Variants in SYNDIG1 observed in about 807,000 individuals in gnomAD.
SYNDIG1 encodes the protein synapse differentiation inducing 1, also known as synapse differentiation-inducing gene protein 1.
Under a neutral mutation model 19.4 loss-of-function variants are expected in SYNDIG1, and 9 were observed. That is an observed-to-expected ratio of 0.46 (90% CI 0.28 to 0.81). The LOEUF (loss-of-function observed/expected upper bound fraction) is 0.81, where lower values mean the gene tolerates loss of function less well. SYNDIG1 is among the 30% of genes least tolerant of loss of function. The pLI is 0.12. For missense variants in SYNDIG1, 311 were observed against 343.3 expected (o/e 0.91, Z 0.74); for synonymous variants, 141 against 145.9 (o/e 0.97, Z 0.24).
At chr20:24,599,596 T>C (rs1220350794) in intron 3 of SYNDIG1, among the ~76,000 whole-genome samples, 1 of 152,172 alleles carries the variant, frequency 6.6e-6, no homozygotes, top group Non-Finnish European at 1.5e-5. Flanking sequence ...TGCCAATCAG[T>C]GGACAAATGG....
At chr20:24,661,125 T>C (rs1449727548) in intron 3 of SYNDIG1, among the ~76,000 whole-genome samples, 3 of 152,182 alleles carry the variant, frequency 2.0e-5, no homozygotes, top group Non-Finnish European at 2.9e-5. Context: ...GCACAGGCCT[T>C]GAGGCATCTA....
rs2058514807 is a variant in SYNDIG1 at position 24,591,731 on chromosome 20, G to T, written c.618+6738G>T. ...CACTTCTTGGGGCAGATGCAGATGA[G>T]GTATTAGGCTGCGAGAGTCATGTAG... On this transcript the variant is annotated intron_variant, in intron 3 of 3. Coordinates refer to ENST00000376862, the MANE Select transcript of SYNDIG1 (RefSeq NM_024893.3). Among the ~76,000 whole-genome samples the T allele has an allele frequency of 2.0e-5, 3 of 152,180 alleles. No individual in the cohort carries two copies. In the South Asian group the frequency reaches 6.2e-4, roughly 31 times the overall value.
chr20:24,639,707 G>GA (rs1279659761), intron 3 of SYNDIG1, among the ~76,000 whole-genome samples: 1 of 152,190 alleles, frequency 6.6e-6, no homozygotes, highest in Non-Finnish European at 1.5e-5. Context: ...AAAACAGGGT[G>GA]AAAACATCAG....
intron 3 of SYNDIG1, among the ~76,000 whole-genome samples, chr20:24,600,916 A>T (rs1018368231): frequency 2.0e-5 from 3 of 152,092 alleles, no homozygotes; most frequent in African/African-American, 7.2e-5. Context: ...TGCCCAGCCC[A>T]TGTCTTCATC....
At position 24,487,054 on chromosome 20, in the gene SYNDIG1, G is replaced by T. The variant is rs181614234; in HGVS notation, c.-79+17301G>T. ...GGGAATCACGGGCCAAGGTTGGGGG[G>T]AGAGGGTCGGTGGATGTGGGGTGGG... On this transcript the variant is annotated intron_variant, in intron 1 of 3. Transcript: ENST00000376862. Among the ~76,000 whole-genome samples the T allele has an allele frequency of 3.1e-4, 47 of 152,114 alleles. No individual in the cohort carries two copies. In the South Asian group the frequency reaches 8.3e-3, roughly 27 times the overall value.
At chr20:24,630,596 G>A (rs1179308655) in intron 3 of SYNDIG1, among the ~76,000 whole-genome samples, 1 of 152,212 alleles carries the variant, frequency 6.6e-6, no homozygotes, top group East Asian at 1.9e-4. Context: ...AGGTCCATGT[G>A]GTGGGGTGGG....
chr20:24,536,722 C>CA (rs1466108541), intron 1 of SYNDIG1, among the ~76,000 whole-genome samples: 2 of 152,264 alleles, frequency 1.3e-5, no homozygotes, highest in Middle Eastern at 3.4e-3. Flanking sequence ...AGCATGGTCT[C>CA]AGGCCCCCCA....
chr20:24,562,439 TATA>T (rs761186699), intron 2 of SYNDIG1, among the ~76,000 whole-genome samples: 2 of 152,332 alleles, frequency 1.3e-5, no homozygotes, highest in African/African-American at 4.8e-5. Flanking sequence ...ATATCAAAAA[TATA>T]ATAACTCATT....
chr20:24,559,595 A>G (rs1383556690), intron 2 of SYNDIG1, among the ~76,000 whole-genome samples: 7 of 152,208 alleles, frequency 4.6e-5, no homozygotes. Flanking sequence ...TGTGAATTCA[A>G]ATTGCCATCT....
chr20:24,574,938 A>G (rs2058203726), intron 2 of SYNDIG1, among the ~76,000 whole-genome samples: 1 of 152,224 alleles, frequency 6.6e-6, no homozygotes, highest in South Asian at 2.1e-4. Context: ...TACCCAGGAC[A>G]AGCAGACATT....
At chr20:24,582,099 T>C (rs941187848) in intron 2 of SYNDIG1, among the ~76,000 whole-genome samples, 3 of 93,936 alleles carry the variant, frequency 3.2e-5, no homozygotes, top group African/African-American at 4.3e-5. Flanking sequence ...TCCCACAGCA[T>C]GTCCTCCCCC....
chr20:24,626,959 G>T, intron 3 of SYNDIG1, among the ~76,000 whole-genome samples: 1 of 151,474 alleles, frequency 6.6e-6, no homozygotes, highest in South Asian at 2.1e-4. Flanking sequence ...GCCTGCAATC[G>T]CAGGCACTCG....
At chr20:24,576,258 T>C (rs1230749114) in intron 2 of SYNDIG1, among the ~76,000 whole-genome samples, 1 of 152,252 alleles carries the variant, frequency 6.6e-6, no homozygotes, top group Non-Finnish European at 1.5e-5. Context: ...CTGGTGTTTT[T>C]GTTGGTTGAA....
chr20:24,612,678 A>G (rs2058868446), intron 3 of SYNDIG1, among the ~76,000 whole-genome samples: 1 of 152,230 alleles, frequency 6.6e-6, no homozygotes, highest in Non-Finnish European at 1.5e-5. Flanking sequence ...CAGTCCTAGC[A>G]TAGAATTATA....
chr20:24,631,423 G>A (rs1267864514), intron 3 of SYNDIG1, among the ~76,000 whole-genome samples: 12 of 152,300 alleles, frequency 7.9e-5, no homozygotes, highest in East Asian at 3.9e-4. Flanking sequence ...CTGCGGGCGC[G>A]ACGGCCTCAT....
chr20:24,543,209 G>C lies in SYNDIG1; in HGVS notation c.112G>C (p.Gly38Arg). 1 of 1,614,030 alleles carries C rather than the reference G, an allele frequency of 6.2e-7. No homozygotes were observed. Among genetic ancestry groups the C allele is most frequent in the East Asian group, 2.2e-5 (1 of 44,878 alleles). The change falls in exon 2 of 4, where the codon GGT becomes CGT. Residue 38 changes from glycine to arginine, a missense_variant. Gly to Arg is a moderately radical substitution (Grantham distance 125). Transcript: ENST00000376862. ...AAACTTGATGGCCGAGAGCAGAGAT[G>C]GTCTGGTGTCTGTTTACCCAGCGCC... The part of the protein sequence containing the change: ...TRNLMAESRD[G>R]LVSVYPAPQY...
intron 1 of SYNDIG1, among the ~76,000 whole-genome samples, chr20:24,516,710 A>T (rs886710611): frequency 7.9e-5 from 12 of 152,348 alleles, no homozygotes; most frequent in African/African-American, 2.9e-4. Context: ...ACACTTTTAC[A>T]CTGTTGGTTG....
intron 1 of SYNDIG1, among the ~76,000 whole-genome samples, chr20:24,512,841 C>G (rs766124960): frequency 1.3e-5 from 2 of 152,234 alleles, no homozygotes; most frequent in African/African-American, 4.8e-5. Flanking sequence ...AAGTGGGCCC[C>G]TGACCCCCGA....
chr20:24,474,834 T>G (rs529947331), intron 1 of SYNDIG1, among the ~76,000 whole-genome samples: 5 of 152,342 alleles, frequency 3.3e-5, no homozygotes, highest in Non-Finnish European at 7.3e-5. Flanking sequence ...ACACGTTACC[T>G]CCATCTGTTT....
Sources: allele counts gnomAD v4.1 joint callset (sites outside exome capture counted in the v4.1 genomes callset), GRCh38; gene constraint gnomAD v4.1.1; transcripts MANE v1.5; gene names NCBI Gene and HGNC (gene_info 2026-07-23, HGNC 2026-07-21).